STARD10: variants seen among roughly 807,000 people sequenced by gnomAD.
STARD10 encodes the protein START domain-containing protein 10.
In STARD10, 24 loss-of-function variants were observed where a neutral mutation model predicts 36.0. The observed-to-expected ratio is 0.67, with a 90% CI of 0.48 to 0.94. The LOEUF (loss-of-function observed/expected upper bound fraction) is 0.94. Among genes scored for constraint, STARD10 ranks in the 40% least tolerant of loss-of-function variants. The pLI, the probability that STARD10 is intolerant of heterozygous loss-of-function variation, is 0.00. For missense variants in STARD10, 335 were observed against 396.6 expected (o/e 0.84, Z 1.32); for synonymous variants, 156 against 161.9 (o/e 0.96, Z 0.28).
intron 2 of STARD10, among the ~76,000 whole-genome samples, chr11:72,767,060 C>T (rs1398346973): frequency 6.6e-6 from 1 of 152,206 alleles, no homozygotes; most frequent in African/African-American, 2.4e-5. Context: ...TGCATTTCAG[C>T]AGATAGTTTT....
At chr11:72,780,467 G>A (rs1317009180) in intron 2 of STARD10, 2 of 433,974 alleles carry the variant, frequency 4.6e-6, no homozygotes, top group Non-Finnish European at 4.6e-6. Context: ...GAGCAGCCAG[G>A]GAGGGAGGGA....
chr11:72,767,926 C>A (rs1244987832), intron 2 of STARD10, among the ~76,000 whole-genome samples: 2 of 152,224 alleles, frequency 1.3e-5, no homozygotes, highest in Non-Finnish European at 2.9e-5. Flanking sequence ...AGCTGCCCCT[C>A]CTCCAGCCCC....
At chr11:72,788,352 G>A (rs1248781807) in intron 1 of STARD10, among the ~76,000 whole-genome samples, 3 of 152,078 alleles carry the variant, frequency 2.0e-5, no homozygotes, top group Non-Finnish European at 4.4e-5. Context: ...AGCCGTGTGT[G>A]AGTGACAACC....
intron 1 of STARD10, among the ~76,000 whole-genome samples, chr11:72,789,376 C>T (rs2135042463): frequency 6.6e-6 from 1 of 152,294 alleles, no homozygotes; most frequent in East Asian, 1.9e-4. Context: ...AGTCTGGAGG[C>T]AATGATTTCT....
In STARD10 at chr11:72,785,280, AGGGGCCG is replaced by A. The variant is rs1048059484; in HGVS notation, c.-113-3993_-113-3987del. 5.9e-5 allele frequency among the ~76,000 whole-genome samples: 9 copies of A among 152,058 alleles called. No individual in the cohort carries two copies. The East Asian group carries it at 1.2e-3, about 20-fold the overall frequency. On this transcript the variant is annotated intron_variant, in intron 1 of 6. Coordinates refer to ENST00000334805, the MANE Select transcript of STARD10 (RefSeq NM_006645.3). ...AGGGACAAAGCAGAAATAAGAACCT[AGGGGCCG>A]GGTGTGGTGGCTAACACCTGTAATC... is the stretch of plus-strand genomic sequence containing the variant.
chr11:72,762,544 A>C (rs530553176), intron 2 of STARD10, among the ~76,000 whole-genome samples: 5 of 152,118 alleles, frequency 3.3e-5, no homozygotes, highest in Non-Finnish European at 4.4e-5. Flanking sequence ...CCAACCATTT[A>C]ATCAGCAGCC....
At position 72,780,959 on chromosome 11, in the gene STARD10, T is replaced by G; in HGVS notation, c.207+16A>C. 6.2e-7 allele frequency: 1 copy of G among 1,613,722 alleles called. No homozygotes were observed. On this transcript the variant is annotated intron_variant, in intron 2 of 6. Transcript: ENST00000334805. The stretch of plus-strand genomic sequence containing the variant: ...AAGGGTGCAGTGGAGGCTGCAGGTA[T>G]AGCGGGCAACCCTACCTTGATCTTG...
chr11:72,768,799 C>T (rs1447212130), intron 2 of STARD10, among the ~76,000 whole-genome samples: 2 of 152,208 alleles, frequency 1.3e-5, no homozygotes, highest in Non-Finnish European at 2.9e-5. Context: ...TGCTGTGGCC[C>T]CTTGCTCATC....
chr11:72,757,920 G>A (rs569276559), intron 4 of STARD10, 36 bp from the exon 5 acceptor site: 10 of 1,587,110 alleles, frequency 6.3e-6, no homozygotes, highest in African/African-American at 5.4e-5. Context: ...GAGACTCGGG[G>A]TGGGGGCAAA....
Position 72,781,154 on chromosome 11 carries a change from G to T in STARD10, c.28C>A (p.Pro10Thr). The T allele has an allele frequency of 6.2e-7, 1 of 1,612,180 alleles. No homozygotes were observed. The highest frequency in any genetic ancestry group is 8.5e-7 in the Non-Finnish European group (1 of 1,179,974). Residue 10 changes from proline to threonine, a missense_variant, in exon 2 of 7, where the codon CCC (proline) becomes ACC (threonine). Physicochemically the swap from Pro to Thr is conservative, Grantham distance 38. Transcript: ENST00000334805. This position sits in a 1 kb window ranked among gnomAD's most constrained non-coding sequence, Gnocchi z 4.7. Reference protein sequence around the residue: MEKLAASTEPQGPRPVLGRE... With the variant: MEKLAASTETQGPRPVLGRE... ...CCCAGGACCGGCCGAGGCCCTTGGG[G>T]CTCTGTAGAGGCCGCCAGCTTCTCC...
chr11:72,764,574 G>A (rs1002355154), intron 2 of STARD10, among the ~76,000 whole-genome samples: 2 of 152,346 alleles, frequency 1.3e-5, no homozygotes, highest in East Asian at 1.9e-4. Context: ...GGCCTGGCTC[G>A]TGCCCTTTCC....
intron 2 of STARD10, among the ~76,000 whole-genome samples, chr11:72,771,740 G>A (rs536555833): frequency 5.3e-4 from 81 of 152,150 alleles, no homozygotes; most frequent in Non-Finnish European, 1.0e-3. Context: ...GCCCAGCTCT[G>A]CAGCAGTGAT....
In STARD10 at chr11:72,757,630, G is replaced by A. The variant is rs879017701; in HGVS notation, c.577+137C>T. ...TGTAAAGTCCCAAGCCTTGGTTCAA[G>A]GAAGGCTTTGGATGGAAATGCCCCA... On this transcript the variant is annotated intron_variant, in intron 5 of 6. Transcript: ENST00000334805. 1.1e-4 allele frequency: 84 copies of A among 742,168 alleles called. No homozygotes were observed. The South Asian group carries it at 1.4e-3, about 12-fold the overall frequency. The allele number at this position is 742,168 out of a possible 1,614,324, so 46.0% of individuals were successfully genotyped here. A position where few individuals can be genotyped will look rare whatever the true frequency, so the allele number is the denominator to read the frequency against.
chr11:72,758,637 TG>T lies in STARD10; in HGVS notation c.356-5del, dbSNP rs747115232. 6 of 1,610,596 alleles carry T rather than the reference TG, an allele frequency of 3.7e-6. No individual in the cohort carries two copies. Among genetic ancestry groups the T allele is most frequent in the Middle Eastern group, 1.7e-4 (1 of 6,052 alleles). The stretch of plus-strand genomic sequence containing the variant: ...TTCAGGGGCTTGGGACACCTCCCTG[TG>T]GGGGGCAAGGGACAGTTCAGCCAGA... On this transcript the variant is annotated splice_polypyrimidine_tract_variant and splice_region_variant and intron_variant, in intron 3 of 6. Coordinates refer to ENST00000334805, the MANE Select transcript of STARD10 (RefSeq NM_006645.3).
At chr11:72,791,769 A>G (rs1859145682) in intron 1 of STARD10, among the ~76,000 whole-genome samples, 1 of 151,980 alleles carries the variant, frequency 6.6e-6, no homozygotes, top group Non-Finnish European at 1.5e-5. Context: ...AACAGAAATG[A>G]TAAGTGAAGG....
Position 72,755,673 on chromosome 11 carries a change from C to T in STARD10, c.630+28G>A, listed in dbSNP as rs760153480. ...TAGTCCTCTTTCCAGTCTTCAACACCCCTCCCCAAAATCCCAAGGCCACTC... is the reference window on the plus strand; with the variant it reads ...TAGTCCTCTTTCCAGTCTTCAACACTCCTCCCCAAAATCCCAAGGCCACTC... On this transcript the variant is annotated intron_variant, in intron 6 of 6. Coordinates refer to ENST00000334805, the MANE Select transcript of STARD10 (RefSeq NM_006645.3). 1.9e-6 allele frequency: 3 copies of T among 1,612,854 alleles called. No homozygotes were observed. The Admixed American group carries it at 5.0e-5, about 27-fold the overall frequency.
chr11:72,786,591 T>C (rs1331453673), intron 1 of STARD10, among the ~76,000 whole-genome samples: 2 of 152,172 alleles, frequency 1.3e-5, no homozygotes, highest in Non-Finnish European at 2.9e-5. Context: ...AGCCACACTG[T>C]AGTGCGCAGC....
chr11:72,759,168 G>A, intron 3 of STARD10, 66 bp downstream of exon 3: 2 of 1,578,500 alleles, frequency 1.3e-6, no homozygotes, highest in Admixed American at 3.6e-5. Flanking sequence ...GGGGGGAAGA[G>A]GAGGCTTGGT....
At chr11:72,788,956 A>G (rs927552079) in intron 1 of STARD10, among the ~76,000 whole-genome samples, 3 of 152,142 alleles carry the variant, frequency 2.0e-5, no homozygotes, top group African/African-American at 7.2e-5. Flanking sequence ...CTGGGACTCA[A>G]GTGGTCCTCT....
Sources: allele counts gnomAD v4.1 joint callset (sites outside exome capture counted in the v4.1 genomes callset), GRCh38; gene constraint gnomAD v4.1.1; non-coding constraint Gnocchi (gnomAD v3.1); transcripts MANE v1.5; gene names NCBI Gene and HGNC (gene_info 2026-07-23, HGNC 2026-07-21).